TUSC3: variants seen among roughly 807,000 people sequenced by gnomAD.
The protein encoded by TUSC3 is tumor suppressor candidate 3, also known as dolichyl-diphosphooligosaccharide--protein glycosyltransferase subunit TUSC3.
In TUSC3, 45 loss-of-function variants were observed where a neutral mutation model predicts 44.8. The ratio of observed to expected loss-of-function variants is 1.00; its 90% CI spans 0.79 to 1.29. The LOEUF is 1.29. Among genes scored for constraint, TUSC3 ranks in the 50% most tolerant of loss-of-function variants. The probability of loss-of-function intolerance (pLI) is 0.00; values close to 1 mark genes in which losing one functional copy is unlikely to be tolerated. For synonymous variants in TUSC3, 212 were observed against 152.9 expected (o/e 1.39, Z -2.85); for missense variants, 519 against 437.9 (o/e 1.19, Z -1.65).
At chr8:15,737,256 AT>A (rs1810975700) in intron 7 of TUSC3, among the ~76,000 whole-genome samples, 4 of 152,136 alleles carry the variant, frequency 2.6e-5, no homozygotes, top group Admixed American at 2.6e-4. Flanking sequence ...ATGTGCTAAC[AT>A]TTTTTTCAAC....
At chr8:15,818,654 A>G in the TUSC3 span, among the ~76,000 whole-genome samples, 2 of 152,194 alleles carry the variant, frequency 1.3e-5, no homozygotes, top group African/African-American at 4.8e-5. Flanking sequence ...AAATGACACT[A>G]TTTCACTTTT....
intron 2 of TUSC3, among the ~76,000 whole-genome samples, chr8:15,624,993 T>C (rs183053077): frequency 7.2e-5 from 11 of 152,216 alleles, no homozygotes; most frequent in South Asian, 2.1e-4. Context: ...TAGCTGTAGG[T>C]TTTTTATAGG....
chr8:15,765,088 G>C lies in TUSC3; in HGVS notation c.*932G>C, dbSNP rs1812290566. 1 of 152,006 alleles carries C rather than the reference G, an allele frequency of 6.6e-6. No individual in the cohort carries two copies. The highest frequency in any genetic ancestry group is 6.6e-5 in the Admixed American group (1 of 15,234). The allele number at this position is 152,006 out of a possible 1,614,324, so 9.4% of individuals were successfully genotyped here. On this transcript the variant is annotated 3_prime_UTR_variant, in exon 11 of 11. Transcript: ENST00000503731. ...AGCTTTCTTGAAAACAAACATAGGA[G>C]TGTAATGTACTATTATGTTTGTATC...
chr8:15,447,917 G>T (rs528321524), intron 1 of TUSC3, among the ~76,000 whole-genome samples: 2 of 151,008 alleles, frequency 1.3e-5, no homozygotes, highest in Admixed American at 1.3e-4. Context: ...AAGTTACATT[G>T]TTCAACATGG....
intron 1 of TUSC3, among the ~76,000 whole-genome samples, chr8:15,583,689 T>G (rs1803475084): frequency 6.6e-6 from 1 of 152,208 alleles, no homozygotes; most frequent in South Asian, 2.1e-4. Context: ...GTGTTCACCT[T>G]TAGTGCTCAG....
chr8:15,806,953 T>C, the TUSC3 span: 1 of 1,465,152 alleles, frequency 6.8e-7, no homozygotes, highest in Non-Finnish European at 9.6e-7. Context: ...ATAACTCTCG[T>C]GTTCATCAAT....
chr8:15,658,908 G>C (rs1169329743), intron 3 of TUSC3, among the ~76,000 whole-genome samples: 1 of 152,034 alleles, frequency 6.6e-6, no homozygotes, highest in African/African-American at 2.4e-5. Context: ...TAGAGCAGTT[G>C]AGCAGAAAAA....
At chr8:15,720,066 T>C (rs1274544442) in intron 6 of TUSC3, among the ~76,000 whole-genome samples, 1 of 152,002 alleles carries the variant, frequency 6.6e-6, no homozygotes, top group Non-Finnish European at 1.5e-5. Flanking sequence ...CTAGAGGCAC[T>C]TGCCACCACA....
intron 1 of TUSC3, among the ~76,000 whole-genome samples, chr8:15,475,768 A>G (rs1387739892): frequency 6.6e-6 from 1 of 152,180 alleles, no homozygotes; most frequent in East Asian, 1.9e-4. Context: ...AAGGGAAGGA[A>G]CTAGTTTGCA....
the TUSC3 span, among the ~76,000 whole-genome samples, chr8:15,781,461 G>T: frequency 6.6e-6 from 1 of 152,152 alleles, no homozygotes. Context: ...AAGGTAAAGA[G>T]GGAACTTTGA....
chr8:15,772,111 A>G, the TUSC3 span, among the ~76,000 whole-genome samples: 8 of 152,054 alleles, frequency 5.3e-5, no homozygotes, highest in African/African-American at 1.4e-4. Context: ...AAGAAAAAGA[A>G]AGATCTTGAA....
intron 1 of TUSC3, among the ~76,000 whole-genome samples, chr8:15,621,687 A>C (rs1006912919): frequency 2.0e-5 from 3 of 149,526 alleles, no homozygotes; most frequent in Non-Finnish European, 4.4e-5. Flanking sequence ...AAATCTATAT[A>C]TGTAAATCTA....
chr8:15,689,091 C>T lies in TUSC3; in HGVS notation c.798+15255C>T, dbSNP rs1043506074. 4.7e-5 allele frequency: 18 copies of T among 381,856 alleles called. No individual in the cohort carries two copies. The Admixed American group carries it at 5.6e-4, about 12-fold the overall frequency. 23.7% of individuals were successfully genotyped at this position (381,856 alleles called of 1,614,324 possible). ...ATCTTCTGCCCTGTAGTTTGCCTTT[C>T]TTTTCTGTAGCTGCTCGTCTTGTCT... On this transcript the variant is annotated intron_variant, in intron 6 of 10. Transcript: ENST00000503731.
rs773493590 is a variant in TUSC3, at chr8:15,662,143, T to C, written c.568-13T>C. 9 of 1,612,446 alleles carry C rather than the reference T, an allele frequency of 5.6e-6. No individual in the cohort carries two copies. The highest frequency in any genetic ancestry group is 3.4e-6 in the Non-Finnish European group (4 of 1,178,898). ...TTTCTTTCATTTTTGAAATTTCTAT[T>C]GCATTTTTGCAGATTCGGGTTTTCA... On this transcript the variant is annotated splice_polypyrimidine_tract_variant and intron_variant, in intron 4 of 10. Coordinates refer to ENST00000503731, the MANE Select transcript of TUSC3 (RefSeq NM_006765.4).
intron 1 of TUSC3, among the ~76,000 whole-genome samples, chr8:15,429,103 G>A (rs1219880580): frequency 4.6e-5 from 7 of 152,078 alleles, no homozygotes. Context: ...ATGGCTTTAG[G>A]TCTAACATGT....
chr8:15,731,386 G>A (rs77661020), intron 7 of TUSC3, among the ~76,000 whole-genome samples: 6,030 of 152,152 alleles, frequency 0.04, 345 homozygotes, highest in African/African-American at 0.14. Flanking sequence ...AGAATGTAAC[G>A]TGTGCCTCTA....
At chr8:15,672,266 A>G (rs113212765) in intron 5 of TUSC3, among the ~76,000 whole-genome samples, 1,818 of 152,108 alleles carry the variant, frequency 0.012, 20 homozygotes, top group Non-Finnish European at 0.02. Context: ...GCAATTTTTA[A>G]ATGCTCTACA....
intron 6 of TUSC3, among the ~76,000 whole-genome samples, chr8:15,687,433 A>T (rs115761432): frequency 7.1e-4 from 108 of 152,328 alleles, no homozygotes; most frequent in African/African-American, 2.5e-3. Context: ...GATGTCTTTC[A>T]AACTCTGCCT....
chr8:15,644,984 T>C (rs1806560397), intron 2 of TUSC3, among the ~76,000 whole-genome samples: 1 of 152,192 alleles, frequency 6.6e-6, no homozygotes, highest in African/African-American at 2.4e-5. Context: ...CTGGATGTTA[T>C]GGCTTGCCAG....
Sources: gnomAD v4.1 joint callset for allele counts (sites outside exome capture counted in the v4.1 genomes callset) on GRCh38, gnomAD v4.1.1 for gene constraint, MANE v1.5 for transcripts, NCBI Gene and HGNC (gene_info 2026-07-23, HGNC 2026-07-21) for gene names.